Variants in ANKS1B observed in about 807,000 individuals in gnomAD.
ANKS1B encodes ankyrin repeat and sterile alpha motif domain-containing protein 1B.
Under a neutral mutation model 148.3 loss-of-function variants are expected in ANKS1B, and 36 were observed. The observed-to-expected ratio is 0.24, with a 90% CI of 0.19 to 0.32. The LOEUF is 0.32. Ranked by LOEUF, ANKS1B falls within the 10% of genes least tolerant of loss-of-function variation. The probability of loss-of-function intolerance (pLI) is 1.00; values close to 1 mark genes in which losing one functional copy is unlikely to be tolerated. For synonymous variants in ANKS1B, 542 were observed against 560.8 expected (o/e 0.97, Z 0.47); for missense variants, 1,157 against 1,542.6 (o/e 0.75, Z 4.19).
intron 25 of ANKS1B, among the ~76,000 whole-genome samples, chr12:98,768,062 A>G (rs1305517159): frequency 6.6e-6 from 1 of 152,118 alleles, no homozygotes; most frequent in Non-Finnish European, 1.5e-5. Context: ...CTCTTCCCCA[A>G]GTTCTCACTG....
At chr12:99,653,692 T>G (rs1240240071) in intron 9 of ANKS1B, among the ~76,000 whole-genome samples, 1 of 149,506 alleles carries the variant, frequency 6.7e-6, no homozygotes, top group Non-Finnish European at 1.5e-5. Context: ...TTTTTTTTTT[T>G]TTTTTGAGAC....
At chr12:99,001,338 A>G (rs1388443131) in intron 17 of ANKS1B, among the ~76,000 whole-genome samples, 1 of 152,092 alleles carries the variant, frequency 6.6e-6, no homozygotes, top group East Asian at 1.9e-4. Context: ...TATGTTGCCC[A>G]GGATGATCTC....
At chr12:99,595,964 G>A (rs983613531) in intron 9 of ANKS1B, among the ~76,000 whole-genome samples, 3 of 151,856 alleles carry the variant, frequency 2.0e-5, no homozygotes, top group Non-Finnish European at 4.4e-5. Context: ...TTAAATAGAT[G>A]CATGGCATCT....
At chr12:99,723,367 G>A (rs189782251) in intron 8 of ANKS1B, among the ~76,000 whole-genome samples, 1 of 152,226 alleles carries the variant, frequency 6.6e-6, no homozygotes. Flanking sequence ...ACAACACACC[G>A]GCTGTGGCAG....
At chr12:99,549,279 C>T (rs371661765) in intron 9 of ANKS1B, among the ~76,000 whole-genome samples, 7 of 152,252 alleles carry the variant, frequency 4.6e-5, no homozygotes, top group African/African-American at 1.7e-4. Context: ...AGCGTGATGG[C>T]AGAAGACTGG....
At position 99,974,695 on chromosome 12, in the gene ANKS1B, A is replaced by G. The variant is rs191403286; in HGVS notation, c.134+9409T>C. Among the ~76,000 whole-genome samples, 298 of 152,164 alleles carry G rather than the reference A, an allele frequency of 2.0e-3. 2 individuals are homozygous for G. The highest frequency in any genetic ancestry group is 6.8e-3 in the African/African-American group (284 of 41,542). ...GAGACCAACCCAGGAGTTCAAGAAC[A>G]GCAAGGCAGGAGGATCACTTGAGCC... On this transcript the variant is annotated intron_variant, in intron 1 of 26. Transcript: ENST00000683438.
intron 8 of ANKS1B, among the ~76,000 whole-genome samples, chr12:99,710,641 T>C (rs778635832): frequency 2.6e-5 from 4 of 152,182 alleles, no homozygotes; most frequent in Non-Finnish European, 4.4e-5. Context: ...CTTTCATACT[T>C]TGCCTTTATC....
chr12:98,889,625 C>T (rs1033223347), intron 17 of ANKS1B, among the ~76,000 whole-genome samples: 5 of 152,216 alleles, frequency 3.3e-5, no homozygotes, highest in Non-Finnish European at 5.9e-5. Flanking sequence ...GGATTATAGG[C>T]GTGAGCCACC....
intron 9 of ANKS1B, among the ~76,000 whole-genome samples, chr12:99,524,545 C>T (rs1349649694): frequency 6.6e-6 from 1 of 152,172 alleles, no homozygotes; most frequent in Admixed American, 6.5e-5. Flanking sequence ...AGGTATCTGA[C>T]TGGCTGTCAC....
intron 12 of ANKS1B, among the ~76,000 whole-genome samples, chr12:99,358,342 C>A (rs1401134417): frequency 6.6e-6 from 1 of 151,702 alleles, no homozygotes; most frequent in Non-Finnish European, 1.5e-5. Context: ...TTTATTTTAC[C>A]CCCTCTAAAT....
At chr12:98,803,361 C>T (rs2099021746) in intron 20 of ANKS1B, among the ~76,000 whole-genome samples, 1 of 152,142 alleles carries the variant, frequency 6.6e-6, no homozygotes, top group Non-Finnish European at 1.5e-5. Context: ...CTAATCTCCC[C>T]CATTAAACTT....
At chr12:99,416,092 T>C (rs931180580) in intron 11 of ANKS1B, among the ~76,000 whole-genome samples, 5 of 152,224 alleles carry the variant, frequency 3.3e-5, no homozygotes, top group Non-Finnish European at 2.9e-5. Flanking sequence ...ACATTAATAA[T>C]GCTATATTAA....
intron 12 of ANKS1B, among the ~76,000 whole-genome samples, chr12:99,297,501 C>T (rs2081040205): frequency 6.6e-6 from 1 of 152,178 alleles, no homozygotes; most frequent in African/African-American, 2.4e-5. Flanking sequence ...GCACCAGCTA[C>T]ATGTTAGGAA....
chr12:99,169,721 C>T (rs954418071), intron 14 of ANKS1B, among the ~76,000 whole-genome samples: 4 of 152,150 alleles, frequency 2.6e-5, no homozygotes, highest in Admixed American at 1.3e-4. Context: ...CATGTATTGG[C>T]TCACTTTATT....
rs1263000092 is a variant in ANKS1B, at chr12:99,407,078, C to G, written c.1576-7267G>C. Among the ~76,000 whole-genome samples the G allele has an allele frequency of 1.4e-5, 2 of 145,738 alleles. 1 individual carries two copies. Among genetic ancestry groups the G allele is most frequent in the Non-Finnish European group, 3.0e-5 (2 of 65,888 alleles). On this transcript the variant is annotated intron_variant, in intron 11 of 26. Transcript: ENST00000683438. ...AAACCGGACAAAGACACATCAAAAA[C>G]AGAAAACTACGGGCCAATATTCCTG...
intron 8 of ANKS1B, among the ~76,000 whole-genome samples, chr12:99,759,696 T>C (rs1392547933): frequency 6.6e-6 from 1 of 151,970 alleles, no homozygotes. Context: ...CTCCCAAATG[T>C]AAACCTTGAA....
chr12:99,215,602 G>T (rs866104603), intron 14 of ANKS1B, among the ~76,000 whole-genome samples: 1 of 152,224 alleles, frequency 6.6e-6, no homozygotes. Flanking sequence ...TATGAGACAT[G>T]CAGTCAAAGG....
At position 99,588,411 on chromosome 12, in the gene ANKS1B, A is replaced by T. The variant is rs1323918911; in HGVS notation, c.1272+66656T>A. Among the ~76,000 whole-genome samples the T allele has an allele frequency of 3.4e-5, 4 of 117,306 alleles. No individual in the cohort carries two copies. In the East Asian group the frequency reaches 1.1e-3, roughly 32 times the overall value. The allele number at this position is 117,306 out of a possible 152,430, so 77.0% of individuals were successfully genotyped here. A position where few individuals can be genotyped will look rare whatever the true frequency, so the allele number is the denominator to read the frequency against. On this transcript the variant is annotated intron_variant, in intron 9 of 26. Transcript: ENST00000683438. Reference sequence around the variant, plus strand: ...AATTTGTGTTCAGAGAAAAAATGTAATCTTTTTTTTTTGTCTTTTTTTTGA... The same window carrying T: ...AATTTGTGTTCAGAGAAAAAATGTATTCTTTTTTTTTTGTCTTTTTTTTGA...
At chr12:99,730,319 CAAGTT>C (rs71088144) in intron 8 of ANKS1B, among the ~76,000 whole-genome samples, 35,848 of 151,858 alleles carry the variant, frequency 0.24, 4,394 homozygotes, top group African/African-American at 0.27. Flanking sequence ...CAAGTCAAGT[CAAGTT>C]GAGTCAAGGC....
Sources: gnomAD v4.1 joint callset for allele counts (sites outside exome capture counted in the v4.1 genomes callset) on GRCh38, gnomAD v4.1.1 for gene constraint, MANE v1.5 for transcripts, NCBI Gene and HGNC (gene_info 2026-07-23, HGNC 2026-07-21) for gene names.